ENTREP2: variants seen among roughly 807,000 people sequenced by gnomAD.
ENTREP2 encodes protein ENTREP2.
chr15:29,550,587 T>C, the ENTREP2 span, among the ~76,000 whole-genome samples: 1 of 152,212 alleles, frequency 6.6e-6, no homozygotes, highest in Non-Finnish European at 1.5e-5. Context: ...AAACTGAAAC[T>C]TTCTTGGCAA....
the ENTREP2 span, among the ~76,000 whole-genome samples, chr15:29,143,863 G>T: frequency 5.9e-5 from 9 of 152,202 alleles, no homozygotes; most frequent in South Asian, 4.1e-4. Context: ...ACAGCAGTGA[G>T]CAGTAAAGCT....
the ENTREP2 span, chr15:29,234,563 C>G: frequency 7.0e-7 from 1 of 1,431,228 alleles, no homozygotes; most frequent in South Asian, 1.1e-5. Context: ...TGTGGCAGCA[C>G]GTCGACAGCT....
the ENTREP2 span, among the ~76,000 whole-genome samples, chr15:29,348,693 T>C: frequency 2.6e-5 from 4 of 152,116 alleles, no homozygotes; most frequent in Admixed American, 1.3e-4. Flanking sequence ...GGCACAACCT[T>C]GAGAACTCCA....
At chr15:29,373,318 C>T in the ENTREP2 span, among the ~76,000 whole-genome samples, 7 of 152,030 alleles carry the variant, frequency 4.6e-5, no homozygotes, top group Non-Finnish European at 1.0e-4. Flanking sequence ...TGAATCAGGT[C>T]GGGGTGAGGA....
the ENTREP2 span, among the ~76,000 whole-genome samples, chr15:29,425,950 A>G: frequency 1.2e-4 from 18 of 151,208 alleles, no homozygotes; most frequent in African/African-American, 4.1e-4. Flanking sequence ...ATTTATACCA[A>G]TGCTTCCTGT....
chr15:29,311,623 G>C, the ENTREP2 span, among the ~76,000 whole-genome samples: 1 of 152,174 alleles, frequency 6.6e-6, no homozygotes, highest in African/African-American at 2.4e-5. Flanking sequence ...CTGGGTGGTA[G>C]AGGTTGCAGT....
At chr15:29,353,787 T>G in the ENTREP2 span, among the ~76,000 whole-genome samples, 1 of 152,122 alleles carries the variant, frequency 6.6e-6, no homozygotes. Context: ...ACTCACCCAA[T>G]GGAGGAGCTC....
chr15:29,514,139 G>C, the ENTREP2 span, among the ~76,000 whole-genome samples: 1 of 152,166 alleles, frequency 6.6e-6, no homozygotes, highest in East Asian at 1.9e-4. Context: ...GTACTATAGT[G>C]TTAACTACAT....
chr15:29,198,023 C>T, the ENTREP2 span, among the ~76,000 whole-genome samples: 11 of 152,178 alleles, frequency 7.2e-5, no homozygotes, highest in South Asian at 4.1e-4. Flanking sequence ...ATGTCCGCCT[C>T]TCCTAAATAC....
At chr15:29,659,402 C>T in the ENTREP2 span, among the ~76,000 whole-genome samples, 4 of 152,024 alleles carry the variant, frequency 2.6e-5, no homozygotes, top group Non-Finnish European at 2.9e-5. Flanking sequence ...ATCCGGGAAG[C>T]GGAGGTTGCA....
chr15:29,403,167 C>T, the ENTREP2 span, among the ~76,000 whole-genome samples: 1 of 152,108 alleles, frequency 6.6e-6, no homozygotes, highest in Non-Finnish European at 1.5e-5. Context: ...AAGTGGTTAG[C>T]CAGGTGGCCA....
At chr15:29,556,605 T>C in the ENTREP2 span, among the ~76,000 whole-genome samples, 3 of 152,170 alleles carry the variant, frequency 2.0e-5, no homozygotes, top group Admixed American at 2.0e-4. Context: ...TCTGAGCCTT[T>C]CTTGCAAGAT....
At chr15:29,490,824 T>C in the ENTREP2 span, among the ~76,000 whole-genome samples, 4 of 152,332 alleles carry the variant, frequency 2.6e-5, no homozygotes, top group South Asian at 8.3e-4. Context: ...GTGGATCCCG[T>C]GCCAGGGCCG....
chr15:29,327,315 C>T, the ENTREP2 span, among the ~76,000 whole-genome samples: 44 of 152,164 alleles, frequency 2.9e-4, no homozygotes, highest in Non-Finnish European at 3.8e-4. Context: ...GGTGGCTGGG[C>T]GCGGTGGCTC....
chr15:29,409,988 C>T, the ENTREP2 span, among the ~76,000 whole-genome samples: 2 of 152,186 alleles, frequency 1.3e-5, no homozygotes, highest in Non-Finnish European at 2.9e-5. Flanking sequence ...TGCTCGCCTG[C>T]TCAGCTATCA....
the ENTREP2 span, among the ~76,000 whole-genome samples, chr15:29,576,319 T>C: frequency 5.9e-5 from 9 of 152,164 alleles, no homozygotes; most frequent in Admixed American, 5.9e-4. Context: ...CATATCATAA[T>C]CAAAAGTTAA....
At chr15:29,578,093 T>C in the ENTREP2 span, among the ~76,000 whole-genome samples, 2 of 152,310 alleles carry the variant, frequency 1.3e-5, no homozygotes, top group African/African-American at 4.8e-5. Context: ...TTATATTATG[T>C]ATATTTTACC....
At chr15:29,570,741 C>T in the ENTREP2 span, 6 of 952,178 alleles carry the variant, frequency 6.3e-6, no homozygotes, top group Admixed American at 6.7e-5. Flanking sequence ...GGCGCCCGCA[C>T]GCCTCGCCCG....
At chr15:29,411,796 T>C in the ENTREP2 span, among the ~76,000 whole-genome samples, 33,104 of 152,186 alleles carry the variant, frequency 0.22, 3,951 homozygotes, top group Middle Eastern at 0.39. Context: ...CAGTTAAGTG[T>C]TTAAACCACC....
Sources: gnomAD v4.1 joint callset for allele counts (sites outside exome capture counted in the v4.1 genomes callset) on GRCh38, gnomAD v4.1.1 for gene constraint, MANE v1.5 for transcripts, NCBI Gene and HGNC (gene_info 2026-07-23, HGNC 2026-07-21) for gene names.